Variants in LRIF1 observed in about 807,000 individuals in gnomAD.
The protein encoded by LRIF1 is ligand-dependent nuclear receptor-interacting factor 1.
A neutral mutation model predicts 52.7 loss-of-function variants in LRIF1; 32 were observed. The ratio of observed to expected loss-of-function variants is 0.61; its 90% CI spans 0.46 to 0.82. The LOEUF is 0.82. LRIF1 is among the 40% of genes least tolerant of loss of function. The pLI is 0.00. For missense variants in LRIF1, 887 were observed against 892.0 expected (o/e 0.99, Z 0.07); for synonymous variants, 323 against 317.4 (o/e 1.02, Z -0.19).
At chr1:110,907,678 G>A in the LRIF1 span, among the ~76,000 whole-genome samples, 5 of 152,266 alleles carry the variant, frequency 3.3e-5, no homozygotes, top group Admixed American at 3.3e-4. Context: ...AGGTTGCAGT[G>A]AGCCGAGATT....
chr1:110,957,461 A>G (rs1179646450), intron 1 of LRIF1, among the ~76,000 whole-genome samples: 2 of 109,268 alleles, frequency 1.8e-5, no homozygotes, highest in South Asian at 3.0e-4. Context: ...ACAAAGCAAG[A>G]CTCAGTCTCA....
the LRIF1 span, among the ~76,000 whole-genome samples, chr1:110,901,295 A>G: frequency 7.2e-5 from 11 of 151,968 alleles, no homozygotes; most frequent in South Asian, 2.3e-3. Context: ...CTCCTGCCTC[A>G]GCCTCCTAAG....
Position 110,947,764 on chromosome 1 carries a change from T to C in LRIF1, c.*195A>G, listed in dbSNP as rs1658262596. 1.7e-6 allele frequency: 1 copy of C among 581,974 alleles called. No homozygotes were observed. The highest frequency in any genetic ancestry group is 2.7e-6 in the Non-Finnish European group (1 of 371,636). The allele number at this position is 581,974 out of a possible 1,614,324, so 36.1% of individuals were successfully genotyped here. A position where few individuals can be genotyped will look rare whatever the true frequency, so the allele number is the denominator to read the frequency against. ...AAAAAAGGTATCTAAGACAAAGGTATAGATACCCCATGTAAATTATTCACA... is the reference window on the plus strand; with the variant it reads ...AAAAAAGGTATCTAAGACAAAGGTACAGATACCCCATGTAAATTATTCACA... On this transcript the variant is annotated 3_prime_UTR_variant, in exon 4 of 4. Coordinates refer to ENST00000369763, the MANE Select transcript of LRIF1 (RefSeq NM_018372.4).
chr1:110,961,752 A>G (rs924621198), intron 1 of LRIF1, among the ~76,000 whole-genome samples: 3 of 152,130 alleles, frequency 2.0e-5, no homozygotes, highest in Non-Finnish European at 4.4e-5. Context: ...TAAGTTTCCA[A>G]TAAACTACAA....
chr1:110,939,374 T>A, the LRIF1 span: 1 of 92,690 alleles, frequency 1.1e-5, no homozygotes, highest in Non-Finnish European at 2.1e-5. Context: ...CGAGACTCCG[T>A]CTCAAAAAAA....
the LRIF1 span, among the ~76,000 whole-genome samples, chr1:110,924,343 A>G: frequency 6.6e-6 from 1 of 152,096 alleles, no homozygotes; most frequent in Non-Finnish European, 1.5e-5. Flanking sequence ...AAAAGAGAAT[A>G]CTCCCCAGGC....
In LRIF1 at chr1:110,951,692, T is replaced by A. The variant is rs542447914; in HGVS notation, c.1192A>T (p.Thr398Ser). 1.9e-6 allele frequency: 3 copies of A among 1,613,958 alleles called. No homozygotes were observed. The highest frequency in any genetic ancestry group is 2.7e-5 in the African/African-American group (2 of 74,924). Reference sequence around the variant, plus strand: ...TCTGTGACTGGACTTGAACTCACTGTCTGTAACGTGTCTTTTCTTACTGGA... The same window carrying A: ...TCTGTGACTGGACTTGAACTCACTGACTGTAACGTGTCTTTTCTTACTGGA... ...DTPVRKDTLQ[T>S]VSSSPVTEIS... Residue 398 changes from threonine (T) to serine (S), a missense_variant, in exon 2 of 4, where the codon ACA becomes TCA. Physicochemically the swap from Thr to Ser is moderately conservative, Grantham distance 58. Transcript: ENST00000369763.
the LRIF1 span, among the ~76,000 whole-genome samples, chr1:110,901,690 G>A: frequency 6.6e-6 from 1 of 151,792 alleles, no homozygotes; most frequent in African/African-American, 2.4e-5. Context: ...TGGCCAGGAT[G>A]GTCTCAAGCT....
At chr1:110,929,338 A>G in the LRIF1 span, among the ~76,000 whole-genome samples, 7 of 152,218 alleles carry the variant, frequency 4.6e-5, no homozygotes, top group Non-Finnish European at 8.8e-5. Flanking sequence ...AGGAATCACC[A>G]TACTGCTTTC....
chr1:110,929,079 C>G, the LRIF1 span, among the ~76,000 whole-genome samples: 2 of 152,120 alleles, frequency 1.3e-5, no homozygotes, highest in South Asian at 4.1e-4. Context: ...CTAATGTAAA[C>G]ACCCAACATC....
intron 1 of LRIF1, among the ~76,000 whole-genome samples, chr1:110,953,157 T>C (rs993506993): frequency 6.6e-6 from 1 of 152,130 alleles, no homozygotes; most frequent in Non-Finnish European, 1.5e-5. Context: ...CTGAATTCCT[T>C]CCTCTTGTCC....
intron 3 of LRIF1, among the ~76,000 whole-genome samples, chr1:110,948,624 CTCAAG>C (rs561620866): frequency 2.4e-4 from 36 of 152,274 alleles, no homozygotes; most frequent in African/African-American, 5.3e-4. Flanking sequence ...CATTTTCTTG[CTCAAG>C]TCAAGTATTA....
chr1:110,914,820 C>A, the LRIF1 span, among the ~76,000 whole-genome samples: 1 of 151,962 alleles, frequency 6.6e-6, no homozygotes, highest in Non-Finnish European at 1.5e-5. Context: ...CAGATCTTAC[C>A]AAGGATATGG....
chr1:110,890,374 C>G, the LRIF1 span, among the ~76,000 whole-genome samples: 1 of 152,146 alleles, frequency 6.6e-6, no homozygotes, highest in East Asian at 1.9e-4. Flanking sequence ...TGAGGCCAGA[C>G]TAGGCAACAT....
chr1:110,879,567 T>C, the LRIF1 span, among the ~76,000 whole-genome samples: 2 of 152,212 alleles, frequency 1.3e-5, no homozygotes, highest in Admixed American at 1.3e-4. Flanking sequence ...TACACTGTTT[T>C]TTTTTCTTTA....
chr1:110,887,623 G>A, the LRIF1 span, among the ~76,000 whole-genome samples: 1 of 152,174 alleles, frequency 6.6e-6, no homozygotes, highest in African/African-American at 2.4e-5. Context: ...CTTAAGATTT[G>A]TTGGGTAGAA....
the LRIF1 span, among the ~76,000 whole-genome samples, chr1:110,883,750 A>G: frequency 4.6e-5 from 7 of 151,920 alleles, no homozygotes; most frequent in African/African-American, 1.7e-4. Flanking sequence ...CAGGTTATCT[A>G]TTTTTTGAGT....
the LRIF1 span, among the ~76,000 whole-genome samples, chr1:110,906,763 G>T: frequency 6.6e-6 from 1 of 151,914 alleles, no homozygotes; most frequent in East Asian, 1.9e-4. Context: ...TTGGGCTATA[G>T]ATTCAATGCA....
chr1:110,924,547 CTCGTGAGAACTCACTG>C, the LRIF1 span, among the ~76,000 whole-genome samples: 53 of 152,314 alleles, frequency 3.5e-4, 1 homozygote, highest in Middle Eastern at 3.4e-3. Flanking sequence ...ACCATCAGAT[CTCGTGAGAACTCACTG>C]TCGTGAGAAC....
Sources: allele counts gnomAD v4.1 joint callset (sites outside exome capture counted in the v4.1 genomes callset), GRCh38; gene constraint gnomAD v4.1.1; transcripts MANE v1.5; gene names NCBI Gene and HGNC (gene_info 2026-07-23, HGNC 2026-07-21).